Variants in USP34 observed in about 807,000 individuals in gnomAD.
USP34 encodes the protein ubiquitin specific peptidase 34, also known as ubiquitin carboxyl-terminal hydrolase 34.
USP34 carries 70 observed loss-of-function variants against 460.3 expected under a neutral mutation model. That is an observed-to-expected ratio of 0.15 (90% confidence interval 0.13 to 0.19). USP34 has a LOEUF of 0.19. USP34 is among the 10% of genes least tolerant of loss of function. The pLI is 1.00. For missense variants in USP34, 3,985 were observed against 4,236.2 expected, an observed-to-expected ratio of 0.94 and a Z score of 1.65; for synonymous variants, 1,647 against 1,405.3, an observed-to-expected ratio of 1.17 and a Z score of -3.85.
intron 5 of USP34, among the ~76,000 whole-genome samples, chr2:61,387,694 TACACAC>T (rs1026483926): frequency 1.4e-5 from 2 of 144,418 alleles, no homozygotes; most frequent in African/African-American, 2.5e-5. Flanking sequence ...TTTTTACATA[TACACAC>T]ATGTAAAAAT....
chr2:61,309,811 G>A (rs1312272293), intron 27 of USP34, among the ~76,000 whole-genome samples: 1 of 152,134 alleles, frequency 6.6e-6, no homozygotes, highest in Non-Finnish European at 1.5e-5. Context: ...TTAGCAATAG[G>A]ATGTGTCTTA....
chr2:61,261,814 A>G (rs1009204254), intron 43 of USP34, among the ~76,000 whole-genome samples: 4 of 152,094 alleles, frequency 2.6e-5, no homozygotes, highest in African/African-American at 9.7e-5. Flanking sequence ...AATTCTGTTA[A>G]GAATTTTTGG....
chr2:61,431,787 G>C (rs992370050), intron 1 of USP34, among the ~76,000 whole-genome samples: 4 of 152,132 alleles, frequency 2.6e-5, no homozygotes, highest in African/African-American at 9.7e-5. Context: ...CCGGGAGGCG[G>C]AGGTTGCAGT....
At chr2:61,373,937 T>TCGAGGC (rs1692711435) in intron 8 of USP34, among the ~76,000 whole-genome samples, 1 of 152,098 alleles carries the variant, frequency 6.6e-6, no homozygotes, top group Non-Finnish European at 1.5e-5. Context: ...GGTGGACTGC[T>TCGAGGC]TGAGGTCAGG....
chr2:61,304,832 T>A (rs561412337), intron 27 of USP34, among the ~76,000 whole-genome samples: 1 of 152,356 alleles, frequency 6.6e-6, no homozygotes, highest in East Asian at 1.9e-4. Context: ...CTGCTTTCTA[T>A]CTTTTACTAC....
At chr2:61,353,302 CTT>C (rs200359321) in intron 10 of USP34, among the ~76,000 whole-genome samples, 1 of 150,606 alleles carries the variant, frequency 6.6e-6, no homozygotes, top group Non-Finnish European at 1.5e-5. Flanking sequence ...TAGAGTTGTA[CTT>C]TTTTTTTGCG....
intron 10 of USP34, among the ~76,000 whole-genome samples, chr2:61,369,422 A>T (rs748939873): frequency 7.2e-5 from 11 of 152,232 alleles, no homozygotes; most frequent in Non-Finnish European, 1.6e-4. Context: ...AGGTGGGCGG[A>T]TCATGAGGTC....
intron 15 of USP34, chr2:61,346,227 G>C (rs549989599): frequency 1.3e-5 from 2 of 151,934 alleles, no homozygotes; most frequent in South Asian, 4.2e-4. Flanking sequence ...ATAAAACATG[G>C]TAGGTCTAGG....
chr2:61,252,465 A>G (rs537353433), intron 48 of USP34, among the ~76,000 whole-genome samples: 5 of 152,344 alleles, frequency 3.3e-5, no homozygotes, highest in African/African-American at 1.2e-4. Context: ...ACATATTGCT[A>G]GTTCAAGTTC....
intron 5 of USP34, among the ~76,000 whole-genome samples, 161 bp from the exon 6 acceptor site, chr2:61,383,497 G>A (rs994956015): frequency 2.6e-5 from 4 of 152,164 alleles, no homozygotes; most frequent in Non-Finnish European, 5.9e-5. Context: ...AAGGTCAGGA[G>A]TTTGAGATCA....
chr2:61,241,324 G>C (rs915645017), intron 53 of USP34, among the ~76,000 whole-genome samples: 2 of 152,130 alleles, frequency 1.3e-5, no homozygotes, highest in African/African-American at 2.4e-5. Flanking sequence ...TTACAGGCAT[G>C]AATCACCACA....
Position 61,277,310 on chromosome 2 carries a change from C to G in USP34, c.5433+855G>C, listed in dbSNP as rs145739484. On this transcript the variant is annotated intron_variant, in intron 41 of 79. Transcript: ENST00000398571. Reference sequence around the variant, plus strand: ...ACAGTGCAGTGGTGTGATCATGGCTCACTGAAGCCTCGACCTCCTGAGCTC... The same window carrying G: ...ACAGTGCAGTGGTGTGATCATGGCTGACTGAAGCCTCGACCTCCTGAGCTC... 8.1e-3 allele frequency among the ~76,000 whole-genome samples: 1,226 copies of G among 150,626 alleles called. 52 individuals carry two copies. The highest frequency in any genetic ancestry group is 0.069 in the Admixed American group (1,047 of 15,102).
At chr2:61,400,369 A>G (rs912733488) in intron 3 of USP34, among the ~76,000 whole-genome samples, 4 of 152,026 alleles carry the variant, frequency 2.6e-5, no homozygotes, top group African/African-American at 7.2e-5. Flanking sequence ...TCGGCCTCCC[A>G]AAGTGCTGGG....
intron 67 of USP34, among the ~76,000 whole-genome samples, chr2:61,216,620 AAAC>A (rs1443348017): frequency 7.0e-6 from 1 of 142,446 alleles, no homozygotes; most frequent in Non-Finnish European, 1.5e-5. Flanking sequence ...AAAAAACAAA[AAAC>A]AAAAAAACCA....
chr2:61,327,940 T>A (rs1385587257), intron 20 of USP34, among the ~76,000 whole-genome samples: 1 of 152,226 alleles, frequency 6.6e-6, no homozygotes, highest in Admixed American at 6.5e-5. Flanking sequence ...AATCTCTTTG[T>A]AGCCTCCACA....
chr2:61,397,999 G>A (rs923475980), intron 3 of USP34, among the ~76,000 whole-genome samples: 3 of 152,084 alleles, frequency 2.0e-5, no homozygotes, highest in Non-Finnish European at 4.4e-5. Context: ...CCCGCTTGGG[G>A]GAGGGGGGTT....
Position 61,241,611 on chromosome 2 carries a change from C to T in USP34, c.6726G>A (p.Glu2242=). 1.2e-6 allele frequency: 2 copies of T among 1,609,960 alleles called. No individual in the cohort carries two copies. Among genetic ancestry groups the T allele is most frequent in the Non-Finnish European group, 1.7e-6 (2 of 1,178,820 alleles). Residue 2242 remains glutamate (E), a synonymous_variant, in exon 53 of 80, where the codon GAG becomes GAA. Transcript: ENST00000398571. The part of the protein sequence containing the change: ...YMLFYKRMEP[E]EENGREYKFD... Reference sequence around the variant, plus strand: ...ATTTGTATTCTCTGCCATTTTCTTCCTCTGGTTCCATGCGTTTGTAAAACA... The same window carrying T: ...ATTTGTATTCTCTGCCATTTTCTTCTTCTGGTTCCATGCGTTTGTAAAACA...
intron 32 of USP34, among the ~76,000 whole-genome samples, chr2:61,294,668 G>A (rs1689969652): frequency 6.6e-6 from 1 of 152,068 alleles, no homozygotes; most frequent in Admixed American, 6.6e-5. Flanking sequence ...TGATCCATCC[G>A]TCTCAGCCTC....
At chr2:61,262,136 TAGATAG>T (rs1688907678) in intron 43 of USP34, among the ~76,000 whole-genome samples, 6 of 124,310 alleles carry the variant, frequency 4.8e-5, no homozygotes, top group African/African-American at 1.3e-4. Context: ...TATATATAGA[TAGATAG>T]ATAGATAGAT....
Sources: gnomAD v4.1 joint callset for allele counts (sites outside exome capture counted in the v4.1 genomes callset) on GRCh38, gnomAD v4.1.1 for gene constraint, MANE v1.5 for transcripts, NCBI Gene and HGNC (gene_info 2026-07-23, HGNC 2026-07-21) for gene names.